HERPUD2: variants seen among roughly 807,000 people sequenced by gnomAD.
HERPUD2 encodes HERPUD family member 2, also known as homocysteine-responsive endoplasmic reticulum-resident ubiquitin-like domain member 2 protein.
HERPUD2 carries 13 observed loss-of-function variants against 49.9 expected under a neutral mutation model. The observed-to-expected ratio is 0.26, with a 90% confidence interval of 0.17 to 0.41. The LOEUF (loss-of-function observed/expected upper bound fraction) is 0.41. Ranked by LOEUF, HERPUD2 falls within the 10% of genes least tolerant of loss-of-function variation. The probability of loss-of-function intolerance (pLI) is 1.00; values close to 1 mark genes in which losing one functional copy is unlikely to be tolerated. For missense variants in HERPUD2, 449 were observed against 492.2 expected (o/e 0.91, Z 0.83); for synonymous variants, 172 against 171.4 (o/e 1.00, Z -0.03).
intron 5 of HERPUD2, among the ~76,000 whole-genome samples, chr7:35,645,946 C>T (rs1189686860): frequency 6.6e-6 from 1 of 152,162 alleles, no homozygotes; most frequent in East Asian, 1.9e-4. Context: ...GTACCACTCA[C>T]ATGTATTACC....
intron 5 of HERPUD2, among the ~76,000 whole-genome samples, chr7:35,656,273 A>G (rs1422653393): frequency 6.6e-6 from 1 of 152,180 alleles, no homozygotes; most frequent in Admixed American, 6.5e-5. Context: ...TTAACCAAGT[A>G]GGTTAAAGAC....
At chr7:35,667,395 G>A in intron 5 of HERPUD2, 39 bp downstream of exon 5, 1 of 1,574,202 alleles carries the variant, frequency 6.4e-7, no homozygotes, top group Non-Finnish European at 8.7e-7. Flanking sequence ...TTTTTAGGGG[G>A]CCCCAATCAC....
intron 2 of HERPUD2, among the ~76,000 whole-genome samples, chr7:35,676,903 ATCT>A (rs1463864193): frequency 6.6e-6 from 1 of 152,196 alleles, no homozygotes; most frequent in Non-Finnish European, 1.5e-5. Context: ...TTTCTCATTG[ATCT>A]TCTCTGTCCT....
intron 4 of HERPUD2, among the ~76,000 whole-genome samples, chr7:35,668,845 A>G (rs1785592032): frequency 6.6e-6 from 1 of 152,172 alleles, no homozygotes; most frequent in Non-Finnish European, 1.5e-5. Context: ...GTCATTTGGC[A>G]GCACAACCTA....
chr7:35,638,767 ACAT>A (rs1485624020), intron 5 of HERPUD2, among the ~76,000 whole-genome samples: 1 of 152,230 alleles, frequency 6.6e-6, no homozygotes, highest in Non-Finnish European at 1.5e-5. Context: ...CCATTTCATT[ACAT>A]GAAGCCAAAA....
At position 35,656,052 on chromosome 7, in the gene HERPUD2, C is replaced by T. The variant is rs1345453120; in HGVS notation, c.494+11382G>A. Among the ~76,000 whole-genome samples, 4 of 152,082 alleles carry T rather than the reference C, an allele frequency of 2.6e-5. No homozygotes were observed. In the East Asian group the frequency reaches 7.7e-4, roughly 29 times the overall value. Reference sequence around the variant, plus strand: ...TGGCAGACACCTGTAATCCCACTTACTTGGGAGGCTGAGGCAGGAGAATCT... The same window carrying T: ...TGGCAGACACCTGTAATCCCACTTATTTGGGAGGCTGAGGCAGGAGAATCT... On this transcript the variant is annotated intron_variant, in intron 5 of 8. Coordinates refer to ENST00000311350, the MANE Select transcript of HERPUD2 (RefSeq NM_022373.5).
At chr7:35,637,466 AAGG>A (rs1432586398) in intron 6 of HERPUD2, among the ~76,000 whole-genome samples, 2 of 152,232 alleles carry the variant, frequency 1.3e-5, no homozygotes, top group Admixed American at 1.3e-4. Flanking sequence ...AGAAGTGAGA[AAGG>A]AGAAGGCACT....
At chr7:35,669,439 T>A (rs966369198) in intron 4 of HERPUD2, among the ~76,000 whole-genome samples, 1 of 152,190 alleles carries the variant, frequency 6.6e-6, no homozygotes, top group Non-Finnish European at 1.5e-5. Context: ...AAGGAAAGCA[T>A]ACTTAGCAGT....
intron 5 of HERPUD2, among the ~76,000 whole-genome samples, chr7:35,646,129 AAAT>A (rs1373769835): frequency 6.6e-6 from 1 of 152,230 alleles, no homozygotes; most frequent in African/African-American, 2.4e-5. Context: ...AAAATATTGA[AAAT>A]AAAATACTGA....
intron 4 of HERPUD2, among the ~76,000 whole-genome samples, chr7:35,669,421 G>T (rs1785601570): frequency 6.6e-6 from 1 of 152,182 alleles, no homozygotes; most frequent in African/African-American, 2.4e-5. Context: ...TTTGGCTGGA[G>T]TCTTGACAAG....
At chr7:35,676,959 C>A (rs1025628357) in intron 2 of HERPUD2, among the ~76,000 whole-genome samples, 1 of 152,168 alleles carries the variant, frequency 6.6e-6, no homozygotes, top group African/African-American at 2.4e-5. Context: ...TTCAAAGTTA[C>A]TTGAAATAAT....
At chr7:35,673,512 T>C (rs925748817) in intron 2 of HERPUD2, among the ~76,000 whole-genome samples, 14 of 152,112 alleles carry the variant, frequency 9.2e-5, no homozygotes, top group Non-Finnish European at 1.6e-4. Flanking sequence ...AGATAATTAA[T>C]ACATTTAAAA....
At chr7:35,690,702 G>C (rs1786162308) in intron 2 of HERPUD2, among the ~76,000 whole-genome samples, 2 of 152,156 alleles carry the variant, frequency 1.3e-5, no homozygotes, top group African/African-American at 2.4e-5. Flanking sequence ...CCAGCGACTT[G>C]GGAGGCTGAG....
In HERPUD2 at chr7:35,641,802, C is replaced by CA. The variant is rs770050315; in HGVS notation, c.495-3331dup. On this transcript the variant is annotated intron_variant, in intron 5 of 8. Coordinates refer to ENST00000311350, the MANE Select transcript of HERPUD2 (RefSeq NM_022373.5). ...GGACCCACCTTCCTTACATCACAGA[C>CA]AAAAAATCAACTCAAGATGGTTTAA... Among the ~76,000 whole-genome samples the CA allele has an allele frequency of 1.1e-4, 17 of 152,124 alleles. 1 individual carries two copies. In the East Asian group the frequency reaches 3.3e-3, roughly 29 times the overall value.
intron 6 of HERPUD2, among the ~76,000 whole-genome samples, chr7:35,636,362 C>G (rs1345104993): frequency 1.3e-5 from 2 of 152,162 alleles, no homozygotes; most frequent in Non-Finnish European, 2.9e-5. Context: ...TATGCTAATA[C>G]CTTGTACCTG....
intron 2 of HERPUD2, among the ~76,000 whole-genome samples, chr7:35,690,596 G>A (rs1786159554): frequency 6.6e-6 from 1 of 152,098 alleles, no homozygotes; most frequent in Non-Finnish European, 1.5e-5. Context: ...GATTACCTGA[G>A]GTCAGGACTT....
chr7:35,639,178 G>C (rs769761002), intron 5 of HERPUD2, among the ~76,000 whole-genome samples: 1 of 151,850 alleles, frequency 6.6e-6, no homozygotes, highest in Non-Finnish European at 1.5e-5. Flanking sequence ...ACAGGCACGC[G>C]CCACCACACC....
chr7:35,634,476 T>G (rs753731928), intron 7 of HERPUD2, 47 bp from the exon 8 acceptor site: 16 of 1,135,294 alleles, frequency 1.4e-5, no homozygotes, highest in Non-Finnish European at 1.7e-5. Context: ...CAGTTGTTTT[T>G]ATTTGTAACA....
chr7:35,666,030 C>T (rs1213149379), intron 5 of HERPUD2, among the ~76,000 whole-genome samples: 1 of 152,206 alleles, frequency 6.6e-6, no homozygotes, highest in Non-Finnish European at 1.5e-5. Flanking sequence ...CCTTCCACCA[C>T]TACCACCAAA....
Sources: allele counts gnomAD v4.1 joint callset (sites outside exome capture counted in the v4.1 genomes callset), GRCh38; gene constraint gnomAD v4.1.1; transcripts MANE v1.5; gene names NCBI Gene and HGNC (gene_info 2026-07-23, HGNC 2026-07-21).